The following VTA1 variants were observed in gnomAD, a reference collection of about 807,000 sequenced individuals.
The protein encoded by VTA1 is vesicle trafficking 1.
VTA1 carries 24 observed loss-of-function variants against 36.9 expected under a neutral mutation model. That is an observed-to-expected ratio of 0.65 (90% CI 0.47 to 0.91). VTA1 has a LOEUF of 0.91. Among genes scored for constraint, VTA1 ranks in the 40% least tolerant of loss-of-function variants. VTA1 has a pLI of 0.00. For missense variants in VTA1, 393 were observed against 377.2 expected (o/e 1.04, Z -0.35); for synonymous variants, 142 against 130.2 (o/e 1.09, Z -0.62).
chr6:142,211,018 A>T (rs1775892426), intron 7 of VTA1, among the ~76,000 whole-genome samples: 2 of 152,224 alleles, frequency 1.3e-5, no homozygotes, highest in Non-Finnish European at 2.9e-5. Context: ...TATTTGCAGC[A>T]ACATGGATAG....
intron 6 of VTA1, among the ~76,000 whole-genome samples, chr6:142,200,027 A>G (rs1453121938): frequency 6.6e-6 from 1 of 152,142 alleles, no homozygotes; most frequent in African/African-American, 2.4e-5. Context: ...CAAGAGTCCC[A>G]GACACAAGCA....
chr6:142,170,193 T>TTTTTGTTA (rs1775001513), intron 3 of VTA1, among the ~76,000 whole-genome samples, 153 bp from the exon 4 acceptor site: 1 of 152,180 alleles, frequency 6.6e-6, no homozygotes, highest in South Asian at 2.1e-4. Flanking sequence ...TAGAAAACCA[T>TTTTTGTTA]TTTTGTTATT....
chr6:142,175,457 A>G (rs556544444), intron 4 of VTA1, among the ~76,000 whole-genome samples: 11 of 152,134 alleles, frequency 7.2e-5, no homozygotes, highest in Non-Finnish European at 1.5e-4. Context: ...TCTCACCTAT[A>G]TTATTCTAGT....
chr6:142,185,806 A>G (rs1403428247), intron 4 of VTA1, among the ~76,000 whole-genome samples: 1 of 152,234 alleles, frequency 6.6e-6, no homozygotes, highest in Non-Finnish European at 1.5e-5. Flanking sequence ...CACAGAAATA[A>G]TGATCTCTTG....
chr6:142,211,223 A>G (rs1176719392), intron 7 of VTA1, among the ~76,000 whole-genome samples: 2 of 152,194 alleles, frequency 1.3e-5, no homozygotes, highest in Non-Finnish European at 2.9e-5. Context: ...ACGTGTTTTT[A>G]TTACCACTGA....
At chr6:142,157,169 A>AG (rs2114632115) in intron 1 of VTA1, among the ~76,000 whole-genome samples, 1 of 152,360 alleles carries the variant, frequency 6.6e-6, no homozygotes, top group African/African-American at 2.4e-5. Flanking sequence ...TCTCAAAAAA[A>AG]TGATAATAAT....
intron 1 of VTA1, among the ~76,000 whole-genome samples, chr6:142,159,280 T>G (rs1172592728): frequency 1.3e-5 from 2 of 151,962 alleles, no homozygotes; most frequent in East Asian, 3.9e-4. Context: ...GGAAGAACCA[T>G]CTGCGCCCAG....
At chr6:142,203,122 T>C (rs1775721987) in intron 6 of VTA1, among the ~76,000 whole-genome samples, 1 of 152,032 alleles carries the variant, frequency 6.6e-6, no homozygotes, top group East Asian at 1.9e-4. Flanking sequence ...GTGAAACCGT[T>C]ATTCTAGAAC....
intron 1 of VTA1, among the ~76,000 whole-genome samples, chr6:142,155,728 C>T (rs968080122): frequency 1.3e-5 from 2 of 152,168 alleles, no homozygotes; most frequent in Non-Finnish European, 2.9e-5. Context: ...GACACCTCTT[C>T]TCTTCCCCAC....
At chr6:142,152,235 G>A (rs1778582510) in intron 1 of VTA1, among the ~76,000 whole-genome samples, 1 of 151,682 alleles carries the variant, frequency 6.6e-6, no homozygotes, top group East Asian at 1.9e-4. Context: ...ATATCTTTTT[G>A]CATACATCAC....
At chr6:142,201,309 C>A (rs751252971) in intron 6 of VTA1, among the ~76,000 whole-genome samples, 3 of 151,734 alleles carry the variant, frequency 2.0e-5, no homozygotes, top group Non-Finnish European at 4.4e-5. Flanking sequence ...GATTTATTTT[C>A]TCTCATATAA....
chr6:142,206,956 G>T (rs1468585351), intron 7 of VTA1, among the ~76,000 whole-genome samples: 2 of 152,126 alleles, frequency 1.3e-5, no homozygotes, highest in Admixed American at 6.5e-5. Context: ...AAATGGTTCT[G>T]ATGCCTAAAT....
chr6:142,176,032 T>C (rs894670032), intron 4 of VTA1, among the ~76,000 whole-genome samples: 1 of 152,148 alleles, frequency 6.6e-6, no homozygotes, highest in African/African-American at 2.4e-5. Flanking sequence ...AAACTGTAGT[T>C]CTCTTGGAAT....
rs1776108708 is a variant in VTA1 at position 142,221,538 on chromosome 6, T to G, written c.*2895T>G. On this transcript the variant is annotated 3_prime_UTR_variant, in exon 8 of 8. Coordinates refer to ENST00000367630, the MANE Select transcript of VTA1 (RefSeq NM_016485.5). ...GACTGGGAGCTATATGGAAAGGTTT[T>G]CAGAAGAAACGTAGCCTGATGTGAC... The G allele has an allele frequency of 6.6e-6, 1 of 152,086 alleles. No homozygotes were observed. The allele number at this position is 152,086 out of a possible 1,614,324, so 9.4% of individuals were successfully genotyped here.
chr6:142,203,837 T>G, intron 6 of VTA1, 148 bp from the exon 7 acceptor site: 1 of 627,434 alleles, frequency 1.6e-6, no homozygotes, highest in Non-Finnish European at 2.8e-6. Context: ...TCCTCCAACA[T>G]CAACTAAGTA....
In VTA1 at chr6:142,221,091, C is replaced by T. The variant is rs1018493561; in HGVS notation, c.*2448C>T. 73 of 152,128 alleles carry T rather than the reference C, an allele frequency of 4.8e-4. No homozygotes were observed. The highest frequency in any genetic ancestry group is 1.6e-3 in the African/African-American group (67 of 41,418). The allele number at this position is 152,128 out of a possible 1,614,324, so 9.4% of individuals were successfully genotyped here. A position where few individuals can be genotyped will look rare whatever the true frequency, so the allele number is the denominator to read the frequency against. ...TCCCTAAAGTTCGAGTGGTTTAGCT[C>T]TACCCAAATCAGAAATATTGCAAGT... On this transcript the variant is annotated 3_prime_UTR_variant, in exon 8 of 8. Transcript: ENST00000367630.
At chr6:142,183,619 T>G (rs1775286656) in intron 4 of VTA1, among the ~76,000 whole-genome samples, 1 of 152,210 alleles carries the variant, frequency 6.6e-6, no homozygotes, top group South Asian at 2.1e-4. Flanking sequence ...TTCCTGTCTC[T>G]TAGAAAGGAT....
intron 1 of VTA1, among the ~76,000 whole-genome samples, chr6:142,147,918 C>T (rs1778486192): frequency 6.6e-6 from 1 of 152,190 alleles, no homozygotes; most frequent in Admixed American, 6.5e-5. Context: ...GACCTTTCCC[C>T]ACCCAGCTGC....
intron 4 of VTA1, among the ~76,000 whole-genome samples, chr6:142,178,148 A>C (rs1365874448): frequency 2.6e-5 from 4 of 152,188 alleles, no homozygotes; most frequent in Admixed American, 2.6e-4. Context: ...AAACCACTGA[A>C]GTCTAGTGAT....
Sources: allele counts gnomAD v4.1 joint callset (sites outside exome capture counted in the v4.1 genomes callset), GRCh38; gene constraint gnomAD v4.1.1; transcripts MANE v1.5; gene names NCBI Gene and HGNC (gene_info 2026-07-23, HGNC 2026-07-21).